Variants in DGKB observed in about 807,000 individuals in gnomAD.
The protein encoded by DGKB is 90 kDa diacylglycerol kinase.
Under a neutral mutation model 114.3 loss-of-function variants are expected in DGKB, and 67 were observed. The observed-to-expected ratio is 0.59, with a 90% confidence interval of 0.48 to 0.72. The LOEUF (loss-of-function observed/expected upper bound fraction) is 0.72. Among genes scored for constraint, DGKB ranks in the 30% least tolerant of loss-of-function variants. The pLI is 0.00. For missense variants in DGKB, 907 were observed against 975.2 expected (o/e 0.93, Z 0.93); for synonymous variants, 398 against 323.1 (o/e 1.23, Z -2.49).
At chr7:14,948,128 A>G (rs1314821250) in intron 1 of DGKB, among the ~76,000 whole-genome samples, 1 of 151,826 alleles carries the variant, frequency 6.6e-6, no homozygotes, top group Non-Finnish European at 1.5e-5. Context: ...TGGCACACTG[A>G]GAATGAAATT....
intron 20 of DGKB, among the ~76,000 whole-genome samples, chr7:14,491,639 A>T (rs890863325): frequency 1.3e-5 from 2 of 152,124 alleles, no homozygotes; most frequent in Admixed American, 1.3e-4. Context: ...AGAAATTTAG[A>T]GGCTGCTTGT....
At position 14,459,706 on chromosome 7, in the gene DGKB, A is replaced by G. The variant is rs184643080; in HGVS notation, c.1835+18455T>C. ...TTATCCAGAAGAACTTCACCAACCTAGCAAGACAGGCCAACATTCAAATTC... is the reference window on the plus strand; with the variant it reads ...TTATCCAGAAGAACTTCACCAACCTGGCAAGACAGGCCAACATTCAAATTC... On this transcript the variant is annotated intron_variant, in intron 21 of 25. Transcript: ENST00000402815. Among the ~76,000 whole-genome samples, 105 of 152,328 alleles carry G rather than the reference A, an allele frequency of 6.9e-4. 1 individual carries two copies. Among genetic ancestry groups the G allele is most frequent in the Middle Eastern group, 3.4e-3 (1 of 294 alleles).
chr7:14,442,058 T>C (rs1410589629), intron 21 of DGKB, among the ~76,000 whole-genome samples: 1 of 151,998 alleles, frequency 6.6e-6, no homozygotes, highest in African/African-American at 2.4e-5. Context: ...ATAAAATGAG[T>C]GGGAAACAGT....
At chr7:14,600,112 T>G (rs1470432476) in intron 17 of DGKB, among the ~76,000 whole-genome samples, 1 of 152,166 alleles carries the variant, frequency 6.6e-6, no homozygotes, top group Non-Finnish European at 1.5e-5. Context: ...TAAGGCTTAT[T>G]ATCTGCTTCA....
chr7:14,358,879 A>G (rs538360757), intron 21 of DGKB, among the ~76,000 whole-genome samples: 76 of 152,280 alleles, frequency 5.0e-4, no homozygotes, highest in African/African-American at 1.7e-3. Flanking sequence ...GCCCAAGGTA[A>G]TTTATAGATT....
intron 20 of DGKB, among the ~76,000 whole-genome samples, chr7:14,550,490 T>C (rs1794955727): frequency 6.6e-6 from 1 of 152,176 alleles, no homozygotes; most frequent in South Asian, 2.1e-4. Context: ...CAATGTCCTA[T>C]TAGAAAGCAT....
intron 23 of DGKB, among the ~76,000 whole-genome samples, chr7:14,317,804 C>G (rs1394889943): frequency 1.4e-5 from 1 of 69,686 alleles, no homozygotes; most frequent in African/African-American, 5.4e-5. Context: ...TCATATGGAA[C>G]CAAAAAAGAG....
rs1831672376 is a variant in DGKB at position 14,736,112 on chromosome 7, A to T, written c.251T>A (p.Phe84Tyr). 1.2e-6 allele frequency: 2 copies of T among 1,608,936 alleles called. No homozygotes were observed. The highest frequency in any genetic ancestry group is 8.5e-7 in the Non-Finnish European group (1 of 1,176,198). The change falls in exon 5 of 26, where the codon TTC becomes TAC. Residue 84 changes from phenylalanine to tyrosine, a missense_variant. Phe to Tyr is a conservative substitution (Grantham distance 22). Transcript: ENST00000402815. ...AGGAAACTTGTTGCTAAATGACATG[A>T]AAAGGTGTGCAGTGAAATCATCAGG... ...ELPDDFTAHL[F>Y]MSFSNKFPHS...
chr7:14,153,185 G>A (rs34988547), intron 25 of DGKB, among the ~76,000 whole-genome samples: 5,502 of 152,134 alleles, frequency 0.036, 119 homozygotes, highest in Non-Finnish European at 0.047. Context: ...GGTTCAGCTC[G>A]TTGGTGATTT....
upstream of DGKB, among the ~76,000 whole-genome samples, chr7:14,903,538 A>T (rs1783454457): frequency 1.3e-5 from 2 of 152,080 alleles, no homozygotes; most frequent in South Asian, 4.1e-4. Context: ...TCCCTTCTAC[A>T]ACTGTAGTCC....
intron 25 of DGKB, among the ~76,000 whole-genome samples, chr7:14,156,655 C>A (rs1357237533): frequency 6.6e-6 from 1 of 151,984 alleles, no homozygotes; most frequent in East Asian, 1.9e-4. Flanking sequence ...AATTTGCTGA[C>A]CCTTGATATA....
intron 8 of DGKB, among the ~76,000 whole-genome samples, chr7:14,695,622 C>T (rs1247960616): frequency 2.0e-5 from 3 of 151,032 alleles, no homozygotes; most frequent in Non-Finnish European, 4.4e-5. Flanking sequence ...GCCTCAGCCT[C>T]CCGAGTAGCT....
At chr7:14,321,988 G>A (rs539457081) in intron 23 of DGKB, among the ~76,000 whole-genome samples, 1 of 152,174 alleles carries the variant, frequency 6.6e-6, no homozygotes, top group East Asian at 1.9e-4. Context: ...AATCCCTGTG[G>A]TATTTATTTA....
At chr7:14,701,996 A>T (rs973651008) in intron 6 of DGKB, among the ~76,000 whole-genome samples, 19 of 152,324 alleles carry the variant, frequency 1.2e-4, no homozygotes, top group African/African-American at 4.6e-4. Context: ...TAAACTCTTT[A>T]TTACAAGATC....
chr7:14,904,313 T>C (rs1385920842), upstream of DGKB, among the ~76,000 whole-genome samples: 2 of 152,156 alleles, frequency 1.3e-5, no homozygotes, highest in African/African-American at 4.8e-5. Flanking sequence ...TTAATTCCTT[T>C]TGATTTTATT....
chr7:14,743,845 C>T (rs1202788490), intron 4 of DGKB, among the ~76,000 whole-genome samples: 1 of 151,950 alleles, frequency 6.6e-6, no homozygotes, highest in Non-Finnish European at 1.5e-5. Context: ...CTTTTGATCC[C>T]CTTCAAAAGA....
intron 20 of DGKB, among the ~76,000 whole-genome samples, chr7:14,551,029 G>A (rs1795027891): frequency 6.6e-6 from 1 of 150,694 alleles, no homozygotes. Flanking sequence ...AGGAGAATGT[G>A]TTACAAAGGG....
chr7:14,217,442 C>G (rs1355262266), intron 23 of DGKB, among the ~76,000 whole-genome samples: 22 of 151,740 alleles, frequency 1.4e-4, no homozygotes, highest in Non-Finnish European at 3.1e-4. Context: ...TTTTTAGTAA[C>G]ATTAAAGAAA....
At chr7:14,894,166 T>C (rs1450932540) in intron 1 of DGKB, among the ~76,000 whole-genome samples, 2 of 151,436 alleles carry the variant, frequency 1.3e-5, no homozygotes, top group Non-Finnish European at 3.0e-5. Context: ...GATTCTCATG[T>C]GAAGGACTAT....
Sources: gnomAD v4.1 joint callset for allele counts (sites outside exome capture counted in the v4.1 genomes callset) on GRCh38, gnomAD v4.1.1 for gene constraint, MANE v1.5 for transcripts, NCBI Gene and HGNC (gene_info 2026-07-23, HGNC 2026-07-21) for gene names.